Variants in LINGO2 observed in about 807,000 individuals in gnomAD.
LINGO2 encodes the protein leucine-rich repeat and immunoglobulin-like domain-containing nogo receptor-interacting protein 2.
LINGO2 carries 14 observed loss-of-function variants against 30.6 expected under a neutral mutation model. The observed-to-expected ratio is 0.46, with a 90% CI of 0.30 to 0.72. LINGO2 has a LOEUF of 0.72. LINGO2 is among the 30% of genes least tolerant of loss of function. The pLI is 0.07. For missense variants in LINGO2, 729 were observed against 751.7 expected (o/e 0.97, Z 0.35); for synonymous variants, 317 against 288.5 (o/e 1.10, Z -1.00).
chr9:28,119,482 A>C (rs35309435), intron 4 of LINGO2, among the ~76,000 whole-genome samples: 18,390 of 152,264 alleles, frequency 0.12, 1,177 homozygotes, highest in African/African-American at 0.16. Context: ...TTTATCTTTA[A>C]AATGGGCACA....
intron 1 of LINGO2, among the ~76,000 whole-genome samples, chr9:28,624,858 A>T (rs1027977591): frequency 9.9e-5 from 15 of 151,290 alleles, no homozygotes; most frequent in Non-Finnish European, 5.9e-5. Context: ...AGTGTAAGAC[A>T]AAGCATTCTT....
At chr9:28,111,934 G>C (rs1826806981) in intron 4 of LINGO2, among the ~76,000 whole-genome samples, 1 of 150,276 alleles carries the variant, frequency 6.7e-6, no homozygotes. Context: ...TATACTCTAA[G>C]TTTTAGGGTA....
the LINGO2 span, among the ~76,000 whole-genome samples, chr9:29,188,934 G>C: frequency 6.8e-6 from 1 of 147,582 alleles, no homozygotes; most frequent in Non-Finnish European, 1.5e-5. Flanking sequence ...TCACCTCCCG[G>C]ACGGGGTGGC....
the LINGO2 span, among the ~76,000 whole-genome samples, chr9:29,029,501 T>C: frequency 4.6e-5 from 7 of 152,098 alleles, no homozygotes; most frequent in Non-Finnish European, 1.0e-4. Context: ...CCTACAATTA[T>C]AAAATTCACT....
At chr9:28,761,887 G>C in the LINGO2 span, among the ~76,000 whole-genome samples, 3 of 151,856 alleles carry the variant, frequency 2.0e-5, no homozygotes, top group Non-Finnish European at 4.4e-5. Flanking sequence ...GTATGCAATG[G>C]GTTGTCATCA....
At chr9:28,656,502 A>G (rs1304999241) in intron 1 of LINGO2, among the ~76,000 whole-genome samples, 2 of 152,096 alleles carry the variant, frequency 1.3e-5, no homozygotes, top group Admixed American at 6.6e-5. Context: ...ACCAAAACGC[A>G]TAACTGAATC....
At chr9:28,161,200 G>A (rs1030854764) in intron 4 of LINGO2, among the ~76,000 whole-genome samples, 8 of 152,074 alleles carry the variant, frequency 5.3e-5, no homozygotes, top group South Asian at 4.1e-4. Context: ...TGTTGATACC[G>A]GTGGTCAGTA....
chr9:29,013,930 T>C, the LINGO2 span, among the ~76,000 whole-genome samples: 1 of 152,128 alleles, frequency 6.6e-6, no homozygotes, highest in African/African-American at 2.4e-5. Context: ...AACTCTCCTT[T>C]ATAATCTCCT....
chr9:29,077,704 A>G, the LINGO2 span, among the ~76,000 whole-genome samples: 3 of 152,026 alleles, frequency 2.0e-5, no homozygotes, highest in Non-Finnish European at 4.4e-5. Context: ...TAATTTTTTT[A>G]CAGTCCTTCA....
intron 1 of LINGO2, among the ~76,000 whole-genome samples, chr9:28,627,808 T>C (rs961985873): frequency 6.6e-6 from 1 of 152,060 alleles, no homozygotes; most frequent in Non-Finnish European, 1.5e-5. Flanking sequence ...CCATTGGTCA[T>C]TCTGCATCTT....
intron 2 of LINGO2, among the ~76,000 whole-genome samples, chr9:28,457,419 G>A (rs932197050): frequency 6.6e-6 from 1 of 151,874 alleles, no homozygotes; most frequent in Admixed American, 6.6e-5. Flanking sequence ...GAAAGTTTTT[G>A]CTTGTCTGTT....
intron 4 of LINGO2, among the ~76,000 whole-genome samples, chr9:28,231,485 T>C (rs1031750111): frequency 2.6e-5 from 4 of 152,054 alleles, no homozygotes; most frequent in Non-Finnish European, 4.4e-5. Context: ...TAAAAGGAAG[T>C]ATGAAAATCT....
intron 3 of LINGO2, among the ~76,000 whole-genome samples, chr9:28,300,126 GAA>G (rs11306826): frequency 0.021 from 2,825 of 131,956 alleles, 129 homozygotes; most frequent in East Asian, 0.21. Flanking sequence ...TTTTCTAATG[GAA>G]AAAAAAAAAA....
intron 1 of LINGO2, among the ~76,000 whole-genome samples, chr9:28,546,442 A>T (rs1821950357): frequency 1.3e-5 from 2 of 152,096 alleles, no homozygotes; most frequent in Non-Finnish European, 2.9e-5. Context: ...AGACTGAGTG[A>T]GGGAACTCAG....
At chr9:29,005,098 T>A in the LINGO2 span, among the ~76,000 whole-genome samples, 2 of 152,044 alleles carry the variant, frequency 1.3e-5, no homozygotes, top group Non-Finnish European at 2.9e-5. Context: ...AGAGTTATCA[T>A]GATGGTGAAT....
chr9:29,197,743 T>A, the LINGO2 span, among the ~76,000 whole-genome samples: 1 of 152,120 alleles, frequency 6.6e-6, no homozygotes, highest in African/African-American at 2.4e-5. Flanking sequence ...GTGTTTCATA[T>A]TACTTATAAC....
At chr9:28,062,164 G>A (rs147775224) in intron 4 of LINGO2, among the ~76,000 whole-genome samples, 2,245 of 152,118 alleles carry the variant, frequency 0.015, 18 homozygotes, top group Middle Eastern at 0.031. Flanking sequence ...TAGGGAAGCG[G>A]TTTCAAATTC....
chr9:28,693,315 G>A, the LINGO2 span, among the ~76,000 whole-genome samples: 1 of 151,916 alleles, frequency 6.6e-6, no homozygotes, highest in Admixed American at 6.6e-5. Context: ...CTAAAATTTG[G>A]TACCATCTCT....
chr9:28,448,461 AAAG>A (rs1371114140), intron 2 of LINGO2, among the ~76,000 whole-genome samples: 2 of 152,138 alleles, frequency 1.3e-5, no homozygotes, highest in African/African-American at 2.4e-5. Flanking sequence ...AACGCATGCA[AAAG>A]AAGACGTTTG....
Sources: gnomAD v4.1 joint callset for allele counts (sites outside exome capture counted in the v4.1 genomes callset) on GRCh38, gnomAD v4.1.1 for gene constraint, MANE v1.5 for transcripts, NCBI Gene and HGNC (gene_info 2026-07-23, HGNC 2026-07-21) for gene names.